Variants in RALGPS1 observed in about 807,000 individuals in gnomAD.
RALGPS1 encodes Ral GEF with PH domain and SH3 binding motif 1.
Under a neutral mutation model 78.8 loss-of-function variants are expected in RALGPS1, and 19 were observed. The ratio of observed to expected loss-of-function variants is 0.24; its 90% CI spans 0.17 to 0.35. The LOEUF (loss-of-function observed/expected upper bound fraction) is 0.35, where lower values mean the gene tolerates loss of function less well. RALGPS1 is among the 10% of genes least tolerant of loss of function. The pLI is 1.00. For synonymous variants in RALGPS1, 228 were observed against 256.3 expected (o/e 0.89, Z 1.06); for missense variants, 454 against 688.3 (o/e 0.66, Z 3.81).
chr9:126,952,656 A>AGAGTGTGTGTGTGTGT (rs1554763340), intron 1 of RALGPS1, among the ~76,000 whole-genome samples: 1 of 138,828 alleles, frequency 7.2e-6, no homozygotes, highest in East Asian at 2.1e-4. Flanking sequence ...AGAGAGAGAG[A>AGAGTGTGTGTGTGTGT]GTGTGTGTGT....
intron 5 of RALGPS1, among the ~76,000 whole-genome samples, chr9:127,039,692 A>G (rs552229337): frequency 6.6e-6 from 1 of 152,280 alleles, no homozygotes; most frequent in South Asian, 2.1e-4. Context: ...GTAAGAGATG[A>G]GTCAGCAGAA....
At chr9:127,001,849 G>C (rs546889620) in intron 4 of RALGPS1, among the ~76,000 whole-genome samples, 2 of 152,054 alleles carry the variant, frequency 1.3e-5, no homozygotes, top group African/African-American at 4.8e-5. Context: ...GTGCCATTGC[G>C]CTCCAGCCTT....
At chr9:127,015,084 T>TTATAACCC (rs1179731385) in intron 4 of RALGPS1, among the ~76,000 whole-genome samples, 6 of 152,202 alleles carry the variant, frequency 3.9e-5, no homozygotes, top group Non-Finnish European at 8.8e-5. Context: ...TCCTTCCCTG[T>TTATAACCC]CTTTTTGTTC....
At chr9:126,965,750 A>G in intron 2 of RALGPS1, 94 bp from the exon 3 acceptor site, 2 of 915,062 alleles carry the variant, frequency 2.2e-6, no homozygotes, top group East Asian at 2.4e-5. Flanking sequence ...GTACTATTCC[A>G]TTGCTCTCCC....
chr9:127,211,498 A>G lies in RALGPS1; in HGVS notation c.1248-633A>G, dbSNP rs1227675992. On this transcript the variant is annotated intron_variant, in intron 14 of 18. Transcript: ENST00000259351. This position sits in a 1 kb window ranked among gnomAD's most constrained non-coding sequence, Gnocchi z 5.0. ...AAGAAAATCCCCGCTTTCTGGCTGA[A>G]GCAGCCAGTAGGGGGTGGTGCCATT... is the stretch of plus-strand genomic sequence containing the variant. Among the ~76,000 whole-genome samples, 3 of 152,152 alleles carry G rather than the reference A, an allele frequency of 2.0e-5. No individual in the cohort carries two copies. The East Asian group carries it at 5.8e-4, about 29-fold the overall frequency.
intron 5 of RALGPS1, among the ~76,000 whole-genome samples, chr9:127,035,465 G>A (rs2046785498): frequency 6.6e-6 from 1 of 152,150 alleles, no homozygotes; most frequent in Non-Finnish European, 1.5e-5. Flanking sequence ...TTGTACTGTT[G>A]ACAGATTTCC....
intron 8 of RALGPS1, among the ~76,000 whole-genome samples, chr9:127,073,059 G>C (rs1172278607): frequency 6.6e-6 from 1 of 152,128 alleles, no homozygotes; most frequent in African/African-American, 2.4e-5. Context: ...CCAGCACCTT[G>C]AGTATTCATC....
intron 4 of RALGPS1, among the ~76,000 whole-genome samples, chr9:127,028,744 G>A (rs1024981475): frequency 5.3e-5 from 8 of 151,956 alleles, no homozygotes; most frequent in Non-Finnish European, 1.2e-4. Context: ...TGCAAATATC[G>A]GCCCATTCAA....
intron 1 of RALGPS1, among the ~76,000 whole-genome samples, chr9:126,959,029 A>G (rs1009852387): frequency 3.5e-5 from 5 of 143,698 alleles, no homozygotes; most frequent in East Asian, 2.0e-4. Context: ...CCCTGATGGC[A>G]TTTCTCTTGT....
At chr9:127,036,770 T>C (rs1004838441) in intron 5 of RALGPS1, among the ~76,000 whole-genome samples, 2 of 152,242 alleles carry the variant, frequency 1.3e-5, no homozygotes, top group Non-Finnish European at 2.9e-5. Context: ...GAATACCCTG[T>C]GTAGCACAGA....
Position 127,071,594 on chromosome 9 carries a change from G to GT in RALGPS1, c.610+2247dup, listed in dbSNP as rs894658473. 2.7e-4 allele frequency among the ~76,000 whole-genome samples: 40 copies of GT among 149,738 alleles called. 1 individual carries two copies. The South Asian group carries it at 2.7e-3, about 10-fold the overall frequency. Reference sequence around the variant, plus strand: ...GAATTACTGGTTTATTTGTGTATATGTTTTTTTTTCACTTTAATATAGAAA... The same window carrying GT: ...GAATTACTGGTTTATTTGTGTATATGTTTTTTTTTTCACTTTAATATAGAAA... On this transcript the variant is annotated intron_variant, in intron 8 of 18. Transcript: ENST00000259351.
chr9:127,089,568 T>C (rs1024728301), intron 8 of RALGPS1, among the ~76,000 whole-genome samples: 1 of 152,174 alleles, frequency 6.6e-6, no homozygotes, highest in African/African-American at 2.4e-5. Flanking sequence ...GAAAAGCTTT[T>C]TCTTAGGAAT....
chr9:127,096,742 T>C (rs1260996222), intron 8 of RALGPS1, among the ~76,000 whole-genome samples: 10 of 152,238 alleles, frequency 6.6e-5, no homozygotes, highest in Non-Finnish European at 1.5e-4. Context: ...CACAATTCTG[T>C]ATACAGTTTC....
chr9:127,023,906 G>A (rs1488325112), intron 4 of RALGPS1, among the ~76,000 whole-genome samples: 1 of 151,884 alleles, frequency 6.6e-6, no homozygotes, highest in African/African-American at 2.4e-5. Context: ...GCATGGTGGC[G>A]GGCTCCTGTA....
chr9:126,939,994 T>C (rs1405449369), intron 1 of RALGPS1, among the ~76,000 whole-genome samples: 1 of 152,232 alleles, frequency 6.6e-6, no homozygotes, highest in Non-Finnish European at 1.5e-5. Context: ...GAGGTACTAG[T>C]TCAGTCGTCT....
At chr9:127,140,511 G>A (rs188457294) in intron 8 of RALGPS1, among the ~76,000 whole-genome samples, 9 of 152,284 alleles carry the variant, frequency 5.9e-5, no homozygotes, top group African/African-American at 2.2e-4. Flanking sequence ...TCCACTGAAG[G>A]ATGAATCCCC....
chr9:127,214,626 T>A (rs2062469473), intron 17 of RALGPS1, 125 bp from the exon 18 acceptor site: 1 of 1,430,440 alleles, frequency 7.0e-7, no homozygotes, highest in Non-Finnish European at 9.2e-7. Flanking sequence ...TCTCTGCATG[T>A]TCCAGCTCAC....
chr9:127,127,116 C>T (rs940426431), intron 8 of RALGPS1, among the ~76,000 whole-genome samples: 1 of 152,152 alleles, frequency 6.6e-6, no homozygotes, highest in African/African-American at 2.4e-5. Flanking sequence ...GGGGCTTTCT[C>T]TTCTGTAGTT....
intron 1 of RALGPS1, among the ~76,000 whole-genome samples, chr9:126,939,480 A>G (rs1244514294): frequency 6.6e-6 from 1 of 152,248 alleles, no homozygotes; most frequent in African/African-American, 2.4e-5. Context: ...GGAACTTAAC[A>G]CATATAGAGC....
Sources: gnomAD v4.1 joint callset for allele counts (sites outside exome capture counted in the v4.1 genomes callset) on GRCh38, gnomAD v4.1.1 for gene constraint, Gnocchi (gnomAD v3.1) non-coding constraint, MANE v1.5 for transcripts, NCBI Gene and HGNC (gene_info 2026-07-23, HGNC 2026-07-21) for gene names.